Variants in CPS1 observed in about 807,000 individuals in gnomAD.
CPS1 encodes carbamoyl-phosphate synthase [ammonia], mitochondrial.
Under a neutral mutation model 174.6 loss-of-function variants are expected in CPS1, and 109 were observed. The observed-to-expected ratio is 0.62, with a 90% CI of 0.53 to 0.73. The LOEUF is 0.73. Ranked by LOEUF, CPS1 falls within the 30% of genes least tolerant of loss-of-function variation. CPS1 has a pLI of 0.00. For synonymous variants in CPS1, 637 were observed against 632.0 expected, an observed-to-expected ratio of 1.01 and a Z score of -0.12; for missense variants, 1,689 against 1,821.9, an observed-to-expected ratio of 0.93 and a Z score of 1.33.
chr2:210,480,123 G>T (rs1694519375), intron 1 of CPS1, among the ~76,000 whole-genome samples: 1 of 152,160 alleles, frequency 6.6e-6, no homozygotes, highest in African/African-American at 2.4e-5. Flanking sequence ...CAGGATCACA[G>T]ATTCCTTCCA....
chr2:210,481,502 T>C (rs1694569350), intron 1 of CPS1, among the ~76,000 whole-genome samples: 1 of 152,320 alleles, frequency 6.6e-6, no homozygotes, highest in African/African-American at 2.4e-5. Flanking sequence ...GGAAAGATGA[T>C]ATATTACCAA....
intron 21 of CPS1, among the ~76,000 whole-genome samples, chr2:210,631,711 CT>C (rs2105888278): frequency 6.6e-6 from 1 of 152,226 alleles, no homozygotes; most frequent in South Asian, 2.1e-4. Flanking sequence ...AAAGTCTAAC[CT>C]TTTGTAAAGT....
chr2:210,678,272 T>A lies in CPS1; in HGVS notation c.*287T>A. On this transcript the variant is annotated 3_prime_UTR_variant, in exon 38 of 38. Transcript: ENST00000233072. ...TGCTTATGTGTAGCTTTTTACTTTT[T>A]ATGGTGCTGATTAATGGTGATCAAG... is the stretch of plus-strand genomic sequence containing the variant. 1 of 451,310 alleles carries A rather than the reference T, an allele frequency of 2.2e-6. No individual in the cohort carries two copies. Among genetic ancestry groups the A allele is most frequent in the East Asian group, 4.6e-5 (1 of 21,808 alleles). The allele number at this position is 451,310 out of a possible 1,614,324, so 28.0% of individuals were successfully genotyped here. A position where few individuals can be genotyped will look rare whatever the true frequency, so the allele number is the denominator to read the frequency against.
intron 20 of CPS1, among the ~76,000 whole-genome samples, chr2:210,615,923 C>T (rs1035437484): frequency 1.4e-4 from 21 of 151,960 alleles, no homozygotes; most frequent in African/African-American, 4.8e-4. Flanking sequence ...AAGCCAGATC[C>T]GACCCATAAA....
intron 25 of CPS1, among the ~76,000 whole-genome samples, chr2:210,646,720 T>C (rs1267239809): frequency 2.0e-5 from 3 of 152,084 alleles, no homozygotes; most frequent in Non-Finnish European, 2.9e-5. Flanking sequence ...TTTAGGCAGG[T>C]ATTATCCTAA....
intron 33 of CPS1, among the ~76,000 whole-genome samples, chr2:210,666,040 T>G (rs1158556077): frequency 6.6e-6 from 1 of 151,632 alleles, no homozygotes; most frequent in East Asian, 1.9e-4. Flanking sequence ...AGATGGTATC[T>G]CATTGTGGTT....
chr2:210,668,053 A>T, intron 33 of CPS1, 133 bp from the exon 34 acceptor site: 1 of 677,422 alleles, frequency 1.5e-6, no homozygotes, highest in Non-Finnish European at 2.6e-6. Flanking sequence ...TCTATGAGTA[A>T]AGTACTTTCC....
chr2:210,588,287 C>G, intron 7 of CPS1, 140 bp downstream of exon 7: 1 of 759,392 alleles, frequency 1.3e-6, no homozygotes, highest in Non-Finnish European at 2.3e-6. Context: ...TTTTGATTTA[C>G]AAAATAACAC....
At chr2:210,583,996 C>G (rs1196218274) in intron 6 of CPS1, among the ~76,000 whole-genome samples, 2 of 152,084 alleles carry the variant, frequency 1.3e-5, no homozygotes, top group Admixed American at 6.6e-5. Context: ...ACCTTACTTT[C>G]TCAGCTAAGG....
rs140638296 is a variant in CPS1 at position 210,628,007 on chromosome 2, G to A, written c.2688-9695G>A. Among the ~76,000 whole-genome samples, 714 of 152,222 alleles carry A rather than the reference G, an allele frequency of 4.7e-3. 7 individuals carry two copies. Among genetic ancestry groups the A allele is most frequent in the African/African-American group, 0.016 (656 of 41,510 alleles). ...GCTGATGAGTCTTTTTCTCAGGATG[G>A]TGGAGCATGACTACAGGTTTTGGGC... On this transcript the variant is annotated intron_variant, in intron 21 of 37. Coordinates refer to ENST00000233072, the MANE Select transcript of CPS1 (RefSeq NM_001875.5).
At position 210,491,307 on chromosome 2, in the gene CPS1, G is replaced by GTTTTTTTTTTTTTTTTTTT. The variant is rs66825517; in HGVS notation, c.3+13554_3+13572dup. Among the ~76,000 whole-genome samples, 7 of 50,342 alleles carry GTTTTTTTTTTTTTTTTTTT rather than the reference G, an allele frequency of 1.4e-4. 2 individuals carry two copies. The highest frequency in any genetic ancestry group is 7.0e-4 in the African/African-American group (7 of 9,960). The allele number at this position is 50,342 out of a possible 152,430, so 33.0% of individuals were successfully genotyped here. ...GTAAAAGCATGTATTTGGTATCTGTGTTTTTTTTTTTTTTTTTTTTTTTTT... is the reference window on the plus strand; with the variant it reads ...GTAAAAGCATGTATTTGGTATCTGTGTTTTTTTTTTTTTTTTTTTTTTTTTTTTTTTTTTTTTTTTTTTT... On this transcript the variant is annotated intron_variant, in intron 1 of 38. Transcript: ENST00000430249.
chr2:210,484,681 T>G (rs965545874), intron 1 of CPS1, among the ~76,000 whole-genome samples: 2 of 152,196 alleles, frequency 1.3e-5, no homozygotes, highest in Admixed American at 6.5e-5. Context: ...GACTACCTGC[T>G]TTCTGTTGAC....
At chr2:210,502,365 C>CTT (rs1695161428) in intron 1 of CPS1, among the ~76,000 whole-genome samples, 2 of 112,390 alleles carry the variant, frequency 1.8e-5, no homozygotes, top group African/African-American at 5.5e-5. Flanking sequence ...ATCTCTCTCT[C>CTT]TCTATATATA....
At chr2:210,601,332 A>G (rs1241744436) in intron 15 of CPS1, among the ~76,000 whole-genome samples, 2 of 151,918 alleles carry the variant, frequency 1.3e-5, no homozygotes, top group Non-Finnish European at 2.9e-5. Flanking sequence ...TAGCTGGTGA[A>G]GTGGAGGTGC....
intron 21 of CPS1, among the ~76,000 whole-genome samples, chr2:210,628,570 G>C (rs1699762876): frequency 1.3e-5 from 2 of 152,166 alleles, no homozygotes; most frequent in South Asian, 2.1e-4. Context: ...AGGAGGCTGA[G>C]ACAGGCAGAT....
At position 210,579,782 on chromosome 2, in the gene CPS1, A is replaced by G; in HGVS notation, c.528+12A>G. ...TAATTCGGGATAAGGTATAATCATCATCTTTAGCCAAATCTATGTTTCTTC... is the reference window on the plus strand; with the variant it reads ...TAATTCGGGATAAGGTATAATCATCGTCTTTAGCCAAATCTATGTTTCTTC... On this transcript the variant is annotated intron_variant, in intron 5 of 37. Transcript: ENST00000233072. 6.2e-7 allele frequency: 1 copy of G among 1,606,286 alleles called. No homozygotes were observed. The highest frequency in any genetic ancestry group is 8.5e-7 in the Non-Finnish European group (1 of 1,174,698).
chr2:210,494,184 A>T (rs900893486), intron 1 of CPS1, among the ~76,000 whole-genome samples: 1 of 152,246 alleles, frequency 6.6e-6, no homozygotes, highest in African/African-American at 2.4e-5. Flanking sequence ...TGTTAATTTC[A>T]TAAGAAAAAA....
Position 210,573,311 on chromosome 2 carries a change from A to G in CPS1, c.140A>G (p.His47Arg). The change falls in exon 2 of 38, where the codon CAC (histidine) becomes CGC (arginine). Residue 47 changes from histidine (H) to arginine (R), a missense_variant. Coordinates refer to ENST00000233072, the MANE Select transcript of CPS1 (RefSeq NM_001875.5). ...RLLSVKAQTA[H>R]IVLEDGTKMK... ...CTGTTTCTTCAGGCACAGACAGCAC[A>G]CATTGTCCTGGAAGATGGAACTAAG... The G allele has an allele frequency of 6.2e-7, 1 of 1,613,056 alleles. No homozygotes were observed. Among genetic ancestry groups the G allele is most frequent in the Non-Finnish European group, 8.5e-7 (1 of 1,179,122 alleles).
At chr2:210,589,432 T>C (rs1168783782) in intron 7 of CPS1, among the ~76,000 whole-genome samples, 1 of 152,092 alleles carries the variant, frequency 6.6e-6, no homozygotes, top group Non-Finnish European at 1.5e-5. Context: ...GAAAGAAGGC[T>C]GATTAAAATT....
Sources: allele counts gnomAD v4.1 joint callset (sites outside exome capture counted in the v4.1 genomes callset), GRCh38; gene constraint gnomAD v4.1.1; transcripts MANE v1.5; gene names NCBI Gene and HGNC (gene_info 2026-07-23, HGNC 2026-07-21).